TOM1L1: variants seen among roughly 807,000 people sequenced by gnomAD.
The protein encoded by TOM1L1 is target of myb1 like 1 membrane trafficking protein.
Under a neutral mutation model 63.4 loss-of-function variants are expected in TOM1L1, and 64 were observed. That is an observed-to-expected ratio of 1.01 (90% CI 0.83 to 1.24). The LOEUF (loss-of-function observed/expected upper bound fraction) is 1.24, where lower values mean the gene tolerates loss of function less well. Ranked by LOEUF, TOM1L1 falls within the 50% of genes most tolerant of loss-of-function variation. The pLI is 0.00. For missense variants in TOM1L1, 536 were observed against 567.0 expected (o/e 0.95, Z 0.55); for synonymous variants, 166 against 194.4 (o/e 0.85, Z 1.22).
intron 7 of TOM1L1, among the ~76,000 whole-genome samples, chr17:54,919,327 C>T (rs12603955): frequency 0.018 from 2,799 of 152,256 alleles, 55 homozygotes; most frequent in East Asian, 0.11. Flanking sequence ...TTTCTAGTTC[C>T]ACCTGGTCTT....
intron 2 of TOM1L1, 83 bp downstream of exon 2, chr17:54,903,875 G>T: frequency 3.1e-6 from 4 of 1,294,992 alleles, no homozygotes; most frequent in Non-Finnish European, 4.4e-6. Context: ...AAATATTTCG[G>T]TTTTGTTGTT....
At chr17:54,909,642 T>C (rs1041630743) in intron 3 of TOM1L1, among the ~76,000 whole-genome samples, 2 of 152,196 alleles carry the variant, frequency 1.3e-5, no homozygotes, top group African/African-American at 4.8e-5. Context: ...ATTTGGGCCT[T>C]ACAACAAGTC....
At chr17:54,905,431 A>C in intron 2 of TOM1L1, 58 bp from the exon 3 acceptor site, 1 of 1,171,316 alleles carries the variant, frequency 8.5e-7, no homozygotes, top group Admixed American at 1.9e-5. Flanking sequence ...CTTTTCAGAG[A>C]GACTGCTTGT....
At position 54,950,079 on chromosome 17, in the gene TOM1L1, C is replaced by G. The variant is rs759278870; in HGVS notation, c.1323C>G (p.Tyr441Ter). The change falls in exon 14 of 16, where the codon TAC (tyrosine) becomes TAG (stop). Residue 441 changes from tyrosine to a stop codon, truncating the protein, a stop_gained. Coordinates refer to ENST00000575882, the MANE Select transcript of TOM1L1 (RefSeq NM_005486.3). LOFTEE classifies it high-confidence loss of function. ...AAAGTGATCTCCAGCCACCTAATTA[C>G]TACGAGGTAATGGAGTTTGATCCCT... is the stretch of plus-strand genomic sequence containing the variant. Reference protein sequence around the residue: ...MTKSDLQPPNYYEVMEFDPLA... With the variant: ...MTKSDLQPPN The G allele has an allele frequency of 3.7e-6, 6 of 1,613,886 alleles. No individual in the cohort carries two copies. Among genetic ancestry groups the G allele is most frequent in the Middle Eastern group, 3.3e-4 (2 of 6,080 alleles).
Position 54,947,240 on chromosome 17 carries a change from TG to T in TOM1L1, c.1131-20del, listed in dbSNP as rs1422678203. 6.2e-7 allele frequency: 1 copy of T among 1,613,420 alleles called. No homozygotes were observed. Among genetic ancestry groups the T allele is most frequent in the Non-Finnish European group, 8.5e-7 (1 of 1,179,414 alleles). On this transcript the variant is annotated intron_variant, in intron 11 of 15. Transcript: ENST00000575882. ...TGTTCTCACTGTAGGGTAATCATTC[TG>T]TGTTATCACACTATCCTAGGTTTGC...
chr17:54,943,777 G>A (rs2049070924), intron 11 of TOM1L1, among the ~76,000 whole-genome samples: 1 of 151,816 alleles, frequency 6.6e-6, no homozygotes, highest in African/African-American at 2.4e-5. Flanking sequence ...AGGAGATCGA[G>A]ACCATCCTAG....
rs746015583 is a variant in TOM1L1, at chr17:54,930,069, A to G, written c.721-4A>G. The G allele has an allele frequency of 1.2e-6, 2 of 1,613,960 alleles. No individual in the cohort carries two copies. The highest frequency in any genetic ancestry group is 2.2e-5 in the East Asian group (1 of 44,874). On this transcript the variant is annotated splice_region_variant and splice_polypyrimidine_tract_variant and intron_variant, in intron 7 of 15. Transcript: ENST00000575882. The stretch of plus-strand genomic sequence containing the variant: ...AGAAGAAATCTCTCTCCTTTCTTTG[A>G]CAGAAACTCTATAAAACAGGTCGGG...
intron 7 of TOM1L1, among the ~76,000 whole-genome samples, chr17:54,920,636 AGAAT>A (rs1254597996): frequency 1.3e-5 from 2 of 152,196 alleles, no homozygotes; most frequent in Admixed American, 6.5e-5. Context: ...AATCAGAGCA[AGAAT>A]GAATAGGCCT....
chr17:54,919,381 T>C (rs1360485691), intron 7 of TOM1L1, among the ~76,000 whole-genome samples: 1 of 152,234 alleles, frequency 6.6e-6, no homozygotes, highest in Non-Finnish European at 1.5e-5. Context: ...TTATGACTTT[T>C]TCTCTCATAT....
In TOM1L1 at chr17:54,925,243, A is replaced by G. The variant is rs114654982; in HGVS notation, c.721-4830A>G. Among the ~76,000 whole-genome samples, 560 of 148,356 alleles carry G rather than the reference A, an allele frequency of 3.8e-3. 3 individuals carry two copies. Among genetic ancestry groups the G allele is most frequent in the African/African-American group, 0.014 (540 of 39,996 alleles). On this transcript the variant is annotated intron_variant, in intron 7 of 15. Coordinates refer to ENST00000575882, the MANE Select transcript of TOM1L1 (RefSeq NM_005486.3). Reference sequence around the variant, plus strand: ...AGAATTACATAGACAAGAAGAGGGCACTTTTGCCAGAACCTAGAGGAAAGA... The same window carrying G: ...AGAATTACATAGACAAGAAGAGGGCGCTTTTGCCAGAACCTAGAGGAAAGA...
At chr17:54,944,594 A>G (rs11079142) in intron 11 of TOM1L1, among the ~76,000 whole-genome samples, 76,534 of 152,072 alleles carry the variant, frequency 0.5, 19,873 homozygotes, top group Non-Finnish European at 0.56. Flanking sequence ...AGGTCTATTG[A>G]CAGTGAAGTC....
intron 12 of TOM1L1, among the ~76,000 whole-genome samples, chr17:54,948,352 C>T (rs976987587): frequency 2.6e-5 from 4 of 152,134 alleles, no homozygotes; most frequent in African/African-American, 9.7e-5. Flanking sequence ...TTCCTCACTC[C>T]ATTTTACTCA....
At chr17:54,933,378 CT>C in intron 8 of TOM1L1, among the ~76,000 whole-genome samples, 1 of 152,338 alleles carries the variant, frequency 6.6e-6, no homozygotes, top group Middle Eastern at 3.4e-3. Context: ...TTAAGGGCAG[CT>C]TACTAATGTG....
At chr17:54,947,927 A>G (rs943207188) in intron 12 of TOM1L1, among the ~76,000 whole-genome samples, 2 of 152,076 alleles carry the variant, frequency 1.3e-5, no homozygotes, top group Non-Finnish European at 2.9e-5. Context: ...TCATATATCT[A>G]CTTTCCACTT....
At chr17:54,946,849 C>G (rs962220122) in intron 11 of TOM1L1, among the ~76,000 whole-genome samples, 2 of 152,198 alleles carry the variant, frequency 1.3e-5, no homozygotes, top group African/African-American at 2.4e-5. Flanking sequence ...AATACTTGCT[C>G]TATGCATTCC....
chr17:54,902,432 G>A (rs2048342293), intron 1 of TOM1L1, among the ~76,000 whole-genome samples: 2 of 152,304 alleles, frequency 1.3e-5, no homozygotes, highest in South Asian at 4.2e-4. Flanking sequence ...TGGGACTACA[G>A]GCACATGCCA....
chr17:54,920,725 AC>A (rs1173994725), intron 7 of TOM1L1, among the ~76,000 whole-genome samples: 4 of 152,156 alleles, frequency 2.6e-5, no homozygotes, highest in Admixed American at 6.5e-5. Context: ...GGAGCAGGGA[AC>A]TTCCAGGGTG....
intron 14 of TOM1L1, among the ~76,000 whole-genome samples, chr17:54,955,591 C>T (rs1043916656): frequency 2.0e-5 from 3 of 152,152 alleles, no homozygotes; most frequent in African/African-American, 7.2e-5. Flanking sequence ...GAATATTGAG[C>T]CCTACAGTTA....
chr17:54,941,062 A>C (rs1039090458), intron 11 of TOM1L1, among the ~76,000 whole-genome samples: 1 of 151,980 alleles, frequency 6.6e-6, no homozygotes, highest in Non-Finnish European at 1.5e-5. Context: ...CACCCAGATA[A>C]TTATTTGTTA....
Sources: gnomAD v4.1 joint callset for allele counts (sites outside exome capture counted in the v4.1 genomes callset) on GRCh38, gnomAD v4.1.1 for gene constraint, MANE v1.5 for transcripts, NCBI Gene and HGNC (gene_info 2026-07-23, HGNC 2026-07-21) for gene names.